The following ZAP70 variants were observed in gnomAD, a reference collection of about 807,000 sequenced individuals.
The protein encoded by ZAP70 is tyrosine-protein kinase ZAP-70.
ZAP70 carries 27 observed loss-of-function variants against 65.8 expected under a neutral mutation model. The ratio of observed to expected loss-of-function variants is 0.41; its 90% CI spans 0.30 to 0.57. The LOEUF is 0.57. Among genes scored for constraint, ZAP70 ranks in the 20% least tolerant of loss-of-function variants. ZAP70 has a pLI of 0.28. For synonymous variants in ZAP70, 363 were observed against 360.8 expected, an observed-to-expected ratio of 1.01 and a Z score of -0.07; for missense variants, 696 against 870.5, an observed-to-expected ratio of 0.80 and a Z score of 2.52.
downstream of ZAP70, among the ~76,000 whole-genome samples, chr2:97,740,325 G>A (rs552006673): frequency 1.6e-4 from 24 of 152,252 alleles, no homozygotes; most frequent in African/African-American, 5.8e-4. Flanking sequence ...ATACCAAAAT[G>A]CAAACATTGT....
chr2:97,723,445 GCTC>G (rs889227634), intron 2 of ZAP70, among the ~76,000 whole-genome samples: 1 of 152,230 alleles, frequency 6.6e-6, no homozygotes, highest in African/African-American at 2.4e-5. Flanking sequence ...TGAAAAGTTG[GCTC>G]CTCCTCCTTC....
rs749693174 is a variant in ZAP70 at position 97,739,534 on chromosome 2, C to T, written c.*36C>T. 2 of 1,601,466 alleles carry T rather than the reference C, an allele frequency of 1.2e-6. No homozygotes were observed. The highest frequency in any genetic ancestry group is 2.3e-5 in the East Asian group (1 of 44,336). Reference sequence around the variant, plus strand: ...CCCAGGGGAGCCCTCCACGCCGGCTCTTCCCCACCCTCAGCCCCACCCCAG... The same window carrying T: ...CCCAGGGGAGCCCTCCACGCCGGCTTTTCCCCACCCTCAGCCCCACCCCAG... On this transcript the variant is annotated 3_prime_UTR_variant, in exon 14 of 14. Transcript: ENST00000264972.
the ZAP70 span, among the ~76,000 whole-genome samples, chr2:97,748,799 A>G: frequency 6.6e-6 from 1 of 152,182 alleles, no homozygotes; most frequent in Non-Finnish European, 1.5e-5. Flanking sequence ...ACAGCACCGT[A>G]GCACTGTAAG....
In ZAP70 at chr2:97,737,870, C is replaced by G; in HGVS notation, c.1596C>G (p.Ala532=). 6.2e-7 allele frequency: 1 copy of G among 1,614,130 alleles called. No individual in the cohort carries two copies. The highest frequency in any genetic ancestry group is 1.7e-4 in the Middle Eastern group (1 of 6,060). The change falls in exon 12 of 14, where the codon GCC becomes GCG. Residue 532 remains alanine (A), a synonymous_variant. Coordinates refer to ENST00000264972, the MANE Select transcript of ZAP70 (RefSeq NM_001079.4). The surrounding 1 kb of genome is among the most constrained non-coding windows in gnomAD (Gnocchi z 5.0). ...GCTATGGGGTCACCATGTGGGAGGC[C>G]TTGTCCTACGGCCAGAAGCCCTACA... The part of the protein sequence containing the change: ...VWSYGVTMWE[A]LSYGQKPYKK...
rs200097002 is a variant in ZAP70, at chr2:97,735,357, A to G, written c.1190A>G (p.Tyr397Cys). The G allele has an allele frequency of 1.8e-5, 29 of 1,614,018 alleles. No homozygotes were observed. Among genetic ancestry groups the G allele is most frequent in the Non-Finnish European group, 2.3e-5 (27 of 1,179,990 alleles). Residue 397 changes from tyrosine to cysteine, a missense_variant, in exon 10 of 14, where the codon TAC (tyrosine) becomes TGC (cysteine). Physicochemically the swap from Tyr to Cys is radical, Grantham distance 194 (BLOSUM62 -2). Coordinates refer to ENST00000264972, the MANE Select transcript of ZAP70 (RefSeq NM_001079.4). ...ATCATGCACCAGCTGGACAACCCCT[A>G]CATCGTGCGGCTCATTGGCGTCTGC... is the stretch of plus-strand genomic sequence containing the variant. ...AQIMHQLDNP[Y>C]IVRLIGVCQA...
intron 8 of ZAP70, 138 bp downstream of exon 8, chr2:97,733,733 C>G (rs1677720735): frequency 9.9e-7 from 1 of 1,006,230 alleles, no homozygotes; most frequent in Non-Finnish European, 1.6e-6. Flanking sequence ...AACACCTGTG[C>G]ACACATGTGC....
At chr2:97,716,594 A>G (rs1480758105) in intron 2 of ZAP70, among the ~76,000 whole-genome samples, 1 of 152,104 alleles carries the variant, frequency 6.6e-6, no homozygotes, top group Non-Finnish European at 1.5e-5. Context: ...GTGTTGGAGG[A>G]AGAGTCTCCA....
chr2:97,753,787 C>T, the ZAP70 span, among the ~76,000 whole-genome samples: 33 of 151,686 alleles, frequency 2.2e-4, no homozygotes, highest in African/African-American at 6.3e-4. Context: ...GAGGGGGCAA[C>T]GAAGCAAGAC....
intron 9 of ZAP70, 79 bp from the exon 10 acceptor site, chr2:97,735,171 G>A: frequency 6.4e-7 from 1 of 1,556,438 alleles, no homozygotes. Flanking sequence ...AGGGAGAAGA[G>A]AGATGGGTGG....
chr2:97,724,607 G>A, intron 3 of ZAP70, 169 bp downstream of exon 3: 1 of 1,534,022 alleles, frequency 6.5e-7, no homozygotes, highest in East Asian at 2.4e-5. Context: ...GGAGGCCTCA[G>A]AGGCAGGGGC....
chr2:97,750,504 C>T, the ZAP70 span, among the ~76,000 whole-genome samples: 3 of 152,176 alleles, frequency 2.0e-5, no homozygotes, highest in South Asian at 2.1e-4. Flanking sequence ...GTTGTTGAAT[C>T]GCATGATGAA....
At chr2:97,738,710 G>A in intron 13 of ZAP70, 1 of 168,006 alleles carries the variant, frequency 6.0e-6, no homozygotes. Context: ...CCCCCCACCG[G>A]CCAGCACTTA....
At chr2:97,740,989 T>C (rs1559331886), downstream of ZAP70, among the ~76,000 whole-genome samples, 1 of 152,260 alleles carries the variant, frequency 6.6e-6, no homozygotes, top group Non-Finnish European at 1.5e-5. Flanking sequence ...GGTATTTATT[T>C]GTAATCCAAC....
intron 8 of ZAP70, chr2:97,734,228 AATGCACACAC>A (rs1341916899): frequency 1.5e-6 from 1 of 674,190 alleles, no homozygotes; most frequent in Non-Finnish European, 2.3e-6. Context: ...TACACGTACG[AATGCACACAC>A]ATGCACACCC....
At chr2:97,716,718 G>A (rs1227209772) in intron 2 of ZAP70, among the ~76,000 whole-genome samples, 1 of 152,128 alleles carries the variant, frequency 6.6e-6, no homozygotes, top group African/African-American at 2.4e-5. Flanking sequence ...AGTGAGTGGC[G>A]GGGGGTGGTG....
In ZAP70 at chr2:97,720,031, G is replaced by A. The variant is rs533553360; in HGVS notation, c.-21-3985G>A. On this transcript the variant is annotated intron_variant, in intron 2 of 13. Transcript: ENST00000264972. ...GTCTCCGTATGCTGTTCCACTTACC[G>A]CGGAGTAGAATTCCACTGTAGGCAT... Among the ~76,000 whole-genome samples, 9 of 152,138 alleles carry A rather than the reference G, an allele frequency of 5.9e-5. No individual in the cohort carries two copies. The South Asian group carries it at 6.2e-4, about 11-fold the overall frequency.
the ZAP70 span, among the ~76,000 whole-genome samples, chr2:97,750,240 C>T: frequency 5.9e-5 from 9 of 152,310 alleles, 1 homozygote; most frequent in African/African-American, 9.6e-5. Flanking sequence ...AGCAACGCAC[C>T]GCAGTTAAAG....
rs2104710951 is a variant in ZAP70 at position 97,739,751 on chromosome 2, G to A, written c.*253G>A. 1.7e-6 allele frequency: 1 copy of A among 579,744 alleles called. No homozygotes were observed. Among genetic ancestry groups the A allele is most frequent in the Admixed American group, 3.1e-5 (1 of 32,318 alleles). 35.9% of individuals were successfully genotyped at this position (579,744 alleles called of 1,614,324 possible). Reference sequence around the variant, plus strand: ...GCTGGTGGCTCCCGGAGGGCCCTGAGCTGAGGGCATTGCTTACACGGATGC... The same window carrying A: ...GCTGGTGGCTCCCGGAGGGCCCTGAACTGAGGGCATTGCTTACACGGATGC... On this transcript the variant is annotated 3_prime_UTR_variant, in exon 14 of 14. Transcript: ENST00000264972.
intron 2 of ZAP70, among the ~76,000 whole-genome samples, chr2:97,722,811 C>T (rs533679157): frequency 6.6e-6 from 1 of 152,324 alleles, no homozygotes; most frequent in Non-Finnish European, 1.5e-5. Flanking sequence ...TCGCTCTGTT[C>T]GTCCATCGGT....
Sources: gnomAD v4.1 joint callset for allele counts (sites outside exome capture counted in the v4.1 genomes callset) on GRCh38, gnomAD v4.1.1 for gene constraint, Gnocchi (gnomAD v3.1) non-coding constraint, MANE v1.5 for transcripts, NCBI Gene and HGNC (gene_info 2026-07-23, HGNC 2026-07-21) for gene names.